The following ZFYVE28 variants were observed in gnomAD, a reference collection of about 807,000 sequenced individuals.
The protein encoded by ZFYVE28 is zinc finger FYVE-type containing 28, also known as lateral signaling target protein 2 homolog.
In ZFYVE28, 40 loss-of-function variants were observed where a neutral mutation model predicts 82.1. That is an observed-to-expected ratio of 0.49 (90% CI 0.38 to 0.63). ZFYVE28 has a LOEUF of 0.63. Ranked by LOEUF, ZFYVE28 falls within the 30% of genes least tolerant of loss-of-function variation. ZFYVE28 has a pLI of 0.00. For missense variants in ZFYVE28, 1,321 were observed against 1,242.1 expected (o/e 1.06, Z -0.96); for synonymous variants, 612 against 546.1 (o/e 1.12, Z -1.68).
In ZFYVE28 at chr4:2,332,685, G is replaced by A. The variant is rs527319437; in HGVS notation, c.701+3020C>T. Among the ~76,000 whole-genome samples, 12 of 152,294 alleles carry A rather than the reference G, an allele frequency of 7.9e-5. No homozygotes were observed. The highest frequency in any genetic ancestry group is 2.1e-4 in the South Asian group (1 of 4,828). On this transcript the variant is annotated intron_variant, in intron 6 of 12. Coordinates refer to ENST00000290974, the MANE Select transcript of ZFYVE28 (RefSeq NM_020972.3). The surrounding 1 kb of genome is among the most constrained non-coding windows in gnomAD (Gnocchi z 4.7). ...GGCCTCTGCCTGTCCGGCTCAAAGC[G>A]GTCGCTGTGGATGACGAGGAACAAG...
chr4:2,328,243 A>C (rs953305980), intron 6 of ZFYVE28, among the ~76,000 whole-genome samples: 1 of 152,224 alleles, frequency 6.6e-6, no homozygotes, highest in African/African-American at 2.4e-5. Context: ...AGATTCTGAC[A>C]TTTGTGAAAA....
rs1236362666 is a variant in ZFYVE28, at chr4:2,364,589, C to T, written c.40-10516G>A. On this transcript the variant is annotated intron_variant, in intron 1 of 12. Transcript: ENST00000290974. ...ACGGTCGGCACTGGGCACAGACGCC[C>T]GGGTGGGCTCCAGGTTCTTGGCCGC... The T allele has an allele frequency of 1.3e-5, 13 of 985,424 alleles. No homozygotes were observed. In the Admixed American group the frequency reaches 6.8e-4, roughly 51 times the overall value. 61.0% of individuals were successfully genotyped at this position (985,424 alleles called of 1,614,324 possible).
chr4:2,278,468 G>A (rs1202064704), intron 8 of ZFYVE28, among the ~76,000 whole-genome samples: 5 of 152,126 alleles, frequency 3.3e-5, no homozygotes, highest in Middle Eastern at 6.8e-3. Context: ...GATTACAGGC[G>A]TGAGCCACGG....
intron 2 of ZFYVE28, 68 bp downstream of exon 2, chr4:2,353,865 T>C: frequency 1.5e-6 from 2 of 1,333,772 alleles, no homozygotes; most frequent in African/African-American, 1.5e-5. Flanking sequence ...AGCCTTGGTC[T>C]ACTGAGGACA....
intron 1 of ZFYVE28, among the ~76,000 whole-genome samples, chr4:2,396,076 CG>C (rs36154597): frequency 0.061 from 8,027 of 132,502 alleles, 356 homozygotes; most frequent in East Asian, 0.075. Flanking sequence ...GGACCCAAGG[CG>C]GGGGTGTCTG....
rs935221143 is a variant in ZFYVE28, at chr4:2,409,559, C to G, written c.39+8726G>C. Among the ~76,000 whole-genome samples the G allele has an allele frequency of 6.6e-6, 1 of 152,232 alleles. No individual in the cohort carries two copies. Among genetic ancestry groups the G allele is most frequent in the African/African-American group, 2.4e-5 (1 of 41,460 alleles). The stretch of plus-strand genomic sequence containing the variant: ...CACATCTCAGCAGCCCCCTCGCCCC[C>G]ACTCCGCTGGCTGCTCGCTGTCCCT... On this transcript the variant is annotated intron_variant, in intron 1 of 12. Coordinates refer to ENST00000290974, the MANE Select transcript of ZFYVE28 (RefSeq NM_020972.3). This position sits in a 1 kb window ranked among gnomAD's most constrained non-coding sequence, Gnocchi z 4.4.
Position 2,408,398 on chromosome 4 carries a change from T to C in ZFYVE28, c.39+9887A>G, listed in dbSNP as rs1732152014. 6.6e-6 allele frequency among the ~76,000 whole-genome samples: 1 copy of C among 151,280 alleles called. No homozygotes were observed. Among genetic ancestry groups the C allele is most frequent in the Middle Eastern group, 3.2e-3 (1 of 314 alleles). ...GGCCCTATGGACACTGTGGAGGTGA[T>C]GCCATGTGACTTCCAGGCTGGGCCT... On this transcript the variant is annotated intron_variant, in intron 1 of 12. Coordinates refer to ENST00000290974, the MANE Select transcript of ZFYVE28 (RefSeq NM_020972.3). The surrounding 1 kb of genome is among the most constrained non-coding windows in gnomAD (Gnocchi z 4.3).
At chr4:2,355,545 G>T (rs1274356269) in intron 1 of ZFYVE28, among the ~76,000 whole-genome samples, 1 of 150,896 alleles carries the variant, frequency 6.6e-6, no homozygotes, top group South Asian at 2.1e-4. Flanking sequence ...CTTCCAAAGT[G>T]CTGGGATTAC....
At chr4:2,276,785 G>C (rs894888358) in intron 8 of ZFYVE28, among the ~76,000 whole-genome samples, 1 of 151,896 alleles carries the variant, frequency 6.6e-6, no homozygotes, top group Non-Finnish European at 1.5e-5. Flanking sequence ...AAGGTAGAAC[G>C]GTGGGCGCCA....
intron 1 of ZFYVE28, among the ~76,000 whole-genome samples, chr4:2,361,365 G>A (rs1440606278): frequency 1.3e-5 from 2 of 152,252 alleles, no homozygotes; most frequent in Admixed American, 1.3e-4. Context: ...TCCCTAATGT[G>A]AGCTGTGGCT....
intron 1 of ZFYVE28, among the ~76,000 whole-genome samples, chr4:2,403,378 C>A (rs1731407084): frequency 6.6e-6 from 1 of 152,266 alleles, no homozygotes; most frequent in African/African-American, 2.4e-5. Flanking sequence ...CAGTCACACA[C>A]ACGAGTGTCA....
At chr4:2,377,823 C>T (rs893489139) in intron 1 of ZFYVE28, among the ~76,000 whole-genome samples, 7 of 152,306 alleles carry the variant, frequency 4.6e-5, no homozygotes, top group South Asian at 4.1e-4. Flanking sequence ...GTTCTCAGAA[C>T]GGTGTTGTCA....
rs1258225068 is a variant in ZFYVE28, at chr4:2,341,323, A to G, written c.318+155T>C. On this transcript the variant is annotated intron_variant, in intron 3 of 12. Transcript: ENST00000290974. The surrounding 1 kb of genome is among the most constrained non-coding windows in gnomAD (Gnocchi z 4.5). ...ATCCTCCAGGGGTGCACGGCCTACC[A>G]GGCTCAGACCACACCACGTAACCCA... The G allele has an allele frequency of 3.8e-5, 39 of 1,025,956 alleles. No homozygotes were observed. The highest frequency in any genetic ancestry group is 5.0e-5 in the Non-Finnish European group (35 of 703,852). The allele number at this position is 1,025,956 out of a possible 1,614,324, so 63.6% of individuals were successfully genotyped here.
At position 2,408,023 on chromosome 4, in the gene ZFYVE28, G is replaced by A. The variant is rs974338845; in HGVS notation, c.39+10262C>T. Among the ~76,000 whole-genome samples the A allele has an allele frequency of 1.3e-5, 2 of 152,112 alleles. No homozygotes were observed. The highest frequency in any genetic ancestry group is 4.8e-5 in the African/African-American group (2 of 41,412). On this transcript the variant is annotated intron_variant, in intron 1 of 12. Transcript: ENST00000290974. This position sits in a 1 kb window ranked among gnomAD's most constrained non-coding sequence, Gnocchi z 4.3. ...CTCCACTTCAGAGGTGTGGCAGGAG[G>A]GCTCCTCCAGAACACCATGTACCTC...
chr4:2,403,454 AG>A (rs1731420248), intron 1 of ZFYVE28, among the ~76,000 whole-genome samples: 1 of 152,214 alleles, frequency 6.6e-6, no homozygotes, highest in African/African-American at 2.4e-5. Flanking sequence ...TCGTGGCGGG[AG>A]GACATAGCGC....
intron 1 of ZFYVE28, among the ~76,000 whole-genome samples, chr4:2,387,841 T>C (rs1049530331): frequency 2.0e-5 from 3 of 152,200 alleles, no homozygotes; most frequent in African/African-American, 7.2e-5. Flanking sequence ...CGATAAGGAA[T>C]TGGGAATGTG....
At position 2,418,257 on chromosome 4, in the gene ZFYVE28, G is replaced by C; in HGVS notation, c.39+28C>G. ...GGAAGGGAGAGGCCGCGACGCGGGG[G>C]GCGTCCGGCCCGAGCGGGGCCGCTC... On this transcript the variant is annotated intron_variant, in intron 1 of 12. Transcript: ENST00000290974. This position sits in a 1 kb window ranked among gnomAD's most constrained non-coding sequence, Gnocchi z 4.6. 1 of 1,534,338 alleles carries C rather than the reference G, an allele frequency of 6.5e-7. No individual in the cohort carries two copies. The highest frequency in any genetic ancestry group is 8.8e-7 in the Non-Finnish European group (1 of 1,139,928).
chr4:2,360,118 C>T (rs1725912132), intron 1 of ZFYVE28, among the ~76,000 whole-genome samples: 1 of 152,106 alleles, frequency 6.6e-6, no homozygotes, highest in Admixed American at 6.5e-5. Flanking sequence ...GGTATAATTG[C>T]CTGCGCGTGG....
At position 2,289,873 on chromosome 4, in the gene ZFYVE28, C is replaced by T. The variant is rs1267187461; in HGVS notation, c.2051+14416G>A. 3.3e-5 allele frequency among the ~76,000 whole-genome samples: 5 copies of T among 152,020 alleles called. No individual in the cohort carries two copies. The South Asian group carries it at 6.2e-4, about 19-fold the overall frequency. On this transcript the variant is annotated intron_variant, in intron 8 of 12. Transcript: ENST00000290974. The stretch of plus-strand genomic sequence containing the variant: ...CACGGTGGTGTCCAGAAGAACTCGG[C>T]GAACCTGAGTTCCCCTGAGCCCCCG...
Sources: gnomAD v4.1 joint callset for allele counts (sites outside exome capture counted in the v4.1 genomes callset) on GRCh38, gnomAD v4.1.1 for gene constraint, Gnocchi (gnomAD v3.1) non-coding constraint, MANE v1.5 for transcripts, NCBI Gene and HGNC (gene_info 2026-07-23, HGNC 2026-07-21) for gene names.